PIEZO2: variants seen among roughly 807,000 people sequenced by gnomAD.
PIEZO2 encodes piezo-type mechanosensitive ion channel component 2.
A neutral mutation model predicts 337.3 loss-of-function variants in PIEZO2; 172 were observed. The ratio of observed to expected loss-of-function variants is 0.51; its 90% CI spans 0.45 to 0.58. The LOEUF is 0.58. Among genes scored for constraint, PIEZO2 ranks in the 20% least tolerant of loss-of-function variants. PIEZO2 has a pLI of 0.00. For synonymous variants in PIEZO2, 1,251 were observed against 1,228.5 expected, an observed-to-expected ratio of 1.02 and a Z score of -0.38; for missense variants, 3,028 against 3,391.3, an observed-to-expected ratio of 0.89 and a Z score of 2.66.
intron 4 of PIEZO2, among the ~76,000 whole-genome samples, chr18:10,881,024 G>T (rs2042406163): frequency 6.6e-6 from 1 of 151,152 alleles, no homozygotes; most frequent in Admixed American, 6.6e-5. Flanking sequence ...AACTCTGGAA[G>T]GAAATGTAAC....
chr18:10,759,395 A>G lies in PIEZO2; in HGVS notation c.3757+87T>C. 1 of 1,137,372 alleles carries G rather than the reference A, an allele frequency of 8.8e-7. No individual in the cohort carries two copies. The highest frequency in any genetic ancestry group is 2.6e-5 in the East Asian group (1 of 38,858). 70.5% of individuals were successfully genotyped at this position (1,137,372 alleles called of 1,614,324 possible). ...ATGATTACGAAGTCTAGTGGAAGAC[A>G]AAAGGCACTAATGCATAGCACGTGA... On this transcript the variant is annotated intron_variant, in intron 26 of 55. Transcript: ENST00000674853. The surrounding 1 kb of genome is among the most constrained non-coding windows in gnomAD (Gnocchi z 5.5).
Position 10,954,288 on chromosome 18 carries a change from C to T in PIEZO2, c.286+25247G>A, listed in dbSNP as rs2033427149. On this transcript the variant is annotated intron_variant, in intron 3 of 55. Transcript: ENST00000674853. The surrounding 1 kb of genome is among the most constrained non-coding windows in gnomAD (Gnocchi z 4.2). ...TTAGAGAGAAAGGACATTTTAACAA[C>T]AGTGAGTCTTCCAATCCATGAACAC... Among the ~76,000 whole-genome samples the T allele has an allele frequency of 6.6e-6, 1 of 152,154 alleles. No individual in the cohort carries two copies. Among genetic ancestry groups the T allele is most frequent in the Non-Finnish European group, 1.5e-5 (1 of 68,030 alleles).
intron 53 of PIEZO2, among the ~76,000 whole-genome samples, chr18:10,675,761 G>A (rs962580776): frequency 2.0e-5 from 3 of 152,162 alleles, no homozygotes; most frequent in African/African-American, 7.2e-5. Context: ...TGTTATGGGA[G>A]GGGCTGGTGG....
At chr18:10,898,099 C>T (rs539337219) in intron 4 of PIEZO2, among the ~76,000 whole-genome samples, 12 of 152,320 alleles carry the variant, frequency 7.9e-5, no homozygotes, top group Admixed American at 5.9e-4. Context: ...GCTAAGCACA[C>T]GCTCATGAAT....
chr18:10,937,594 G>A (rs1168388590), intron 3 of PIEZO2, among the ~76,000 whole-genome samples: 5 of 152,154 alleles, frequency 3.3e-5, no homozygotes, highest in Non-Finnish European at 7.3e-5. Flanking sequence ...ACAGGTGAAA[G>A]CAATGAAAAA....
Position 10,787,201 on chromosome 18 carries a change from GAAA to G in PIEZO2, c.2170-20_2170-18del, listed in dbSNP as rs11468237. The G allele has an allele frequency of 1.1e-4, 149 of 1,353,786 alleles. No homozygotes were observed. The highest frequency in any genetic ancestry group is 2.7e-4 in the Admixed American group (9 of 33,350). The allele number at this position is 1,353,786 out of a possible 1,614,324, so 83.9% of individuals were successfully genotyped here. ...ATAGTGCACCTGCAAATCAGACATT[GAAA>G]AAAAAAAATGAGAAAAAATCACTTT... On this transcript the variant is annotated intron_variant, in intron 15 of 55. Transcript: ENST00000674853.
At position 10,978,089 on chromosome 18, in the gene PIEZO2, G is replaced by A. The variant is rs182375895; in HGVS notation, c.286+1446C>T. Among the ~76,000 whole-genome samples the A allele has an allele frequency of 3.1e-3, 469 of 152,224 alleles. 3 individuals are homozygous for A. Among genetic ancestry groups the A allele is most frequent in the African/African-American group, 0.01 (436 of 41,534 alleles). Reference sequence around the variant, plus strand: ...TGTAATCCCAGCACTTTGGGAGGCCGAGGCAGGCGGATCACGAGGTCAGGA... The same window carrying A: ...TGTAATCCCAGCACTTTGGGAGGCCAAGGCAGGCGGATCACGAGGTCAGGA... On this transcript the variant is annotated intron_variant, in intron 3 of 55. Coordinates refer to ENST00000674853, the MANE Select transcript of PIEZO2 (RefSeq NM_001378183.1).
At position 10,682,209 on chromosome 18, in the gene PIEZO2, G is replaced by A; in HGVS notation, c.7581C>T (p.Cys2527=). The A allele has an allele frequency of 6.5e-7, 1 of 1,537,234 alleles. No homozygotes were observed. Among genetic ancestry groups the A allele is most frequent in the Non-Finnish European group, 8.7e-7 (1 of 1,146,890 alleles). The change falls in exon 50 of 56, where the codon TGC becomes TGT. Residue 2527 remains cysteine, a synonymous_variant. Transcript: ENST00000674853. This position sits in a 1 kb window ranked among gnomAD's most constrained non-coding sequence, Gnocchi z 5.6. The part of the protein sequence containing the change: ...MGGMIIVLLI[C]IVWFPLLFMS... ...TGAAGAGAAGAGGAAACCAGACAAT[G>A]CAGATGAGCAGGACGATGATCATTC...
rs559848874 is a variant in PIEZO2, at chr18:10,725,092, C to T, written c.5029+6315G>A. 132 of 1,498,504 alleles carry T rather than the reference C, an allele frequency of 8.8e-5. 1 individual carries two copies. The East Asian group carries it at 2.1e-3, about 24-fold the overall frequency. The allele number at this position is 1,498,504 out of a possible 1,614,324, so 92.8% of individuals were successfully genotyped here. A position where few individuals can be genotyped will look rare whatever the true frequency, so the allele number is the denominator to read the frequency against. The stretch of plus-strand genomic sequence containing the variant: ...TGAGGGAGACAAGTTCTTTCAGTCG[C>T]ATTACACCTACAATCCACAGTTCGA... On this transcript the variant is annotated intron_variant, in intron 36 of 55. Coordinates refer to ENST00000674853, the MANE Select transcript of PIEZO2 (RefSeq NM_001378183.1).
At chr18:10,909,669 G>A (rs549333786) in intron 4 of PIEZO2, among the ~76,000 whole-genome samples, 3 of 152,278 alleles carry the variant, frequency 2.0e-5, no homozygotes, top group Non-Finnish European at 4.4e-5. Flanking sequence ...TATTGGAGCT[G>A]GGGAGTGGAT....
chr18:11,050,954 G>A (rs945857803), intron 2 of PIEZO2, among the ~76,000 whole-genome samples: 4 of 151,020 alleles, frequency 2.6e-5, no homozygotes, highest in Admixed American at 6.6e-5. Flanking sequence ...AAACAAGGAG[G>A]AGAAAAATCT....
intron 3 of PIEZO2, among the ~76,000 whole-genome samples, chr18:10,923,429 G>C (rs1270424381): frequency 6.6e-6 from 1 of 152,168 alleles, no homozygotes; most frequent in African/African-American, 2.4e-5. Context: ...CAGGAACAAA[G>C]GTGGATCTCA....
intron 33 of PIEZO2, among the ~76,000 whole-genome samples, chr18:10,737,294 A>AACAAAAAAAC (rs75854036): frequency 2.1e-5 from 3 of 146,124 alleles, no homozygotes; most frequent in African/African-American, 8.3e-5. Context: ...TGAAAAAAAA[A>AACAAAAAAAC]AAACAAAAAA....
In PIEZO2 at chr18:11,098,799, TA is replaced by T. The variant is rs559317628; in HGVS notation, c.65-32578del. Among the ~76,000 whole-genome samples, 856 of 151,936 alleles carry T rather than the reference TA, an allele frequency of 5.6e-3. 2 individuals carry two copies. Among genetic ancestry groups the T allele is most frequent in the African/African-American group, 7.9e-3 (326 of 41,418 alleles). On this transcript the variant is annotated intron_variant, in intron 1 of 55. Transcript: ENST00000674853. ...AATTTATTTATTTATTTTGTTTATTTAAAAAAAATTTTTTTTGAGACAGGGT... is the reference window on the plus strand; with the variant it reads ...AATTTATTTATTTATTTTGTTTATTTAAAAAAATTTTTTTTGAGACAGGGT...
intron 4 of PIEZO2, among the ~76,000 whole-genome samples, chr18:10,909,396 G>T (rs2030260225): frequency 6.6e-6 from 1 of 152,092 alleles, no homozygotes; most frequent in Non-Finnish European, 1.5e-5. Flanking sequence ...TAATGAGATG[G>T]AATGTCTGGG....
rs1468406981 is a variant in PIEZO2 at position 10,969,047 on chromosome 18, C to T, written c.286+10488G>A. On this transcript the variant is annotated intron_variant, in intron 3 of 55. Coordinates refer to ENST00000674853, the MANE Select transcript of PIEZO2 (RefSeq NM_001378183.1). This position sits in a 1 kb window ranked among gnomAD's most constrained non-coding sequence, Gnocchi z 4.5. Reference sequence around the variant, plus strand: ...TTTGTAAGTCTGAAAAATAACTAAGCTTATGTCATACAAATAATATTTTCT... The same window carrying T: ...TTTGTAAGTCTGAAAAATAACTAAGTTTATGTCATACAAATAATATTTTCT... Among the ~76,000 whole-genome samples the T allele has an allele frequency of 6.6e-6, 1 of 152,164 alleles. No homozygotes were observed. The highest frequency in any genetic ancestry group is 1.5e-5 in the Non-Finnish European group (1 of 68,030).
At chr18:10,800,521 G>A in intron 10 of PIEZO2, 46 bp from the exon 11 acceptor site, 2 of 1,487,670 alleles carry the variant, frequency 1.3e-6, no homozygotes, top group South Asian at 1.3e-5. Context: ...GCAGCTCTGG[G>A]TTTTCAATGC....
At chr18:10,985,544 T>A (rs374823829) in intron 2 of PIEZO2, among the ~76,000 whole-genome samples, 1 of 152,088 alleles carries the variant, frequency 6.6e-6, no homozygotes. Flanking sequence ...ATTGTTCTAT[T>A]TGTCTGTTTT....
At chr18:10,693,322 G>T (rs1047354038) in intron 47 of PIEZO2, among the ~76,000 whole-genome samples, 1 of 150,448 alleles carries the variant, frequency 6.6e-6, no homozygotes, top group African/African-American at 2.4e-5. Context: ...CATATCTGCC[G>T]CATGGTTTTG....
Sources: gnomAD v4.1 joint callset for allele counts (sites outside exome capture counted in the v4.1 genomes callset) on GRCh38, gnomAD v4.1.1 for gene constraint, Gnocchi (gnomAD v3.1) non-coding constraint, MANE v1.5 for transcripts, NCBI Gene and HGNC (gene_info 2026-07-23, HGNC 2026-07-21) for gene names.